The following C3orf33 variants were observed in gnomAD, a reference collection of about 807,000 sequenced individuals.
The protein encoded by C3orf33 is mitochondrial inner membrane subdomain organizer 1, also known as AP-1 activity suppressor.
Under a neutral mutation model 28.7 loss-of-function variants are expected in C3orf33, and 23 were observed. The ratio of observed to expected loss-of-function variants is 0.80; its 90% confidence interval spans 0.58 to 1.13. The LOEUF (loss-of-function observed/expected upper bound fraction) is 1.13. Ranked by LOEUF, C3orf33 falls within the 50% of genes most tolerant of loss-of-function variation. C3orf33 has a pLI of 0.00. For missense variants in C3orf33, 327 were observed against 353.4 expected, an observed-to-expected ratio of 0.93 and a Z score of 0.60; for synonymous variants, 119 against 120.5, an observed-to-expected ratio of 0.99 and a Z score of 0.08.
chr3:155,762,827 C>T lies in C3orf33; in HGVS notation c.*690G>A, dbSNP rs1750275501. 1 of 152,042 alleles carries T rather than the reference C, an allele frequency of 6.6e-6. No individual in the cohort carries two copies. Among genetic ancestry groups the T allele is most frequent in the Non-Finnish European group, 1.5e-5 (1 of 68,012 alleles). 9.4% of individuals were successfully genotyped at this position (152,042 alleles called of 1,614,324 possible). ...GAGGTTGCAGTGAACCAAGATAACG[C>T]CACTGCACTCCTGCCTGGGTGACAA... On this transcript the variant is annotated 3_prime_UTR_variant, in exon 5 of 5. Coordinates refer to ENST00000340171, the MANE Select transcript of C3orf33 (RefSeq NM_001308229.2).
At chr3:155,769,792 CAA>C (rs1455238268) in intron 3 of C3orf33, among the ~76,000 whole-genome samples, 1 of 152,126 alleles carries the variant, frequency 6.6e-6, no homozygotes, top group Non-Finnish European at 1.5e-5. Flanking sequence ...ACCTTCAAAC[CAA>C]AGACAGTTTA....
At chr3:155,778,141 C>CAAAA (rs55700532) in intron 2 of C3orf33, among the ~76,000 whole-genome samples, 9,217 of 75,516 alleles carry the variant, frequency 0.12, 1,686 homozygotes, top group Middle Eastern at 0.2. Flanking sequence ...AACTCCATTT[C>CAAAA]AAAAAAAAAA....
chr3:155,794,438 T>C (rs1367598016), intron 2 of C3orf33, among the ~76,000 whole-genome samples: 1 of 151,712 alleles, frequency 6.6e-6, no homozygotes, highest in Non-Finnish European at 1.5e-5. Context: ...AAAATCATCT[T>C]TAGTAAGAGG....
intron 2 of C3orf33, among the ~76,000 whole-genome samples, chr3:155,790,881 G>A (rs1751294400): frequency 6.6e-6 from 1 of 152,142 alleles, no homozygotes; most frequent in Non-Finnish European, 1.5e-5. Context: ...AACTTGAAAG[G>A]CAGTCTAGAC....
rs1750302174 is a variant in C3orf33 at position 155,763,598 on chromosome 3, C to G, written c.804G>C (p.Trp268Cys). 3.2e-6 allele frequency: 5 copies of G among 1,586,560 alleles called. No homozygotes were observed. The East Asian group carries it at 1.1e-4, about 36-fold the overall frequency. ...YEKLKRTYEI[W>C]KDNMNNCSLI... ...AGGAGCAGTTGTTCATGTTGTCTTT[C>G]CATATTTCATAAGTCCTTTTAAGTT... The change falls in exon 5 of 5, where the codon TGG becomes TGC. Residue 268 changes from tryptophan (W) to cysteine (C), a missense_variant. Trp to Cys is a radical substitution (Grantham distance 215). Coordinates refer to ENST00000340171, the MANE Select transcript of C3orf33 (RefSeq NM_001308229.2).
chr3:155,803,704 A>T (rs1751722867), intron 1 of C3orf33, among the ~76,000 whole-genome samples: 1 of 151,424 alleles, frequency 6.6e-6, no homozygotes, highest in Non-Finnish European at 1.5e-5. Context: ...AACATGGTGA[A>T]ACCTCGTCTC....
chr3:155,762,775 A>T lies in C3orf33; in HGVS notation c.*742T>A, dbSNP rs922208055. ...TCCCAGGTACTTGGGAGGCTCAGGC[A>T]GGAGAATCACTTGAATCCAGGAGGC... is the stretch of plus-strand genomic sequence containing the variant. On this transcript the variant is annotated 3_prime_UTR_variant, in exon 5 of 5. Transcript: ENST00000340171. The T allele has an allele frequency of 6.6e-6, 1 of 152,226 alleles. No homozygotes were observed. Among genetic ancestry groups the T allele is most frequent in the African/African-American group, 2.4e-5 (1 of 41,454 alleles). The allele number at this position is 152,226 out of a possible 1,614,324, so 9.4% of individuals were successfully genotyped here.
At chr3:155,787,538 G>A (rs148512052) in intron 2 of C3orf33, among the ~76,000 whole-genome samples, 4,659 of 151,750 alleles carry the variant, frequency 0.031, 82 homozygotes, top group Middle Eastern at 0.11. Context: ...TTTTAGTAGA[G>A]ACGGGGTTTC....
intron 2 of C3orf33, among the ~76,000 whole-genome samples, 197 bp from the exon 3 acceptor site, chr3:155,776,045 C>T (rs1032766202): frequency 6.6e-6 from 1 of 152,112 alleles, no homozygotes; most frequent in Non-Finnish European, 1.5e-5. Flanking sequence ...CATTATTCAC[C>T]ATTTTCAAGC....
chr3:155,767,119 G>A (rs761929889), intron 4 of C3orf33, among the ~76,000 whole-genome samples: 36 of 151,918 alleles, frequency 2.4e-4, no homozygotes, highest in African/African-American at 1.2e-4. Flanking sequence ...TGGGTGTGGC[G>A]GCGCCCATGT....
At position 155,763,911 on chromosome 3, in the gene C3orf33, T is replaced by C; in HGVS notation, c.491A>G (p.Tyr164Cys). ...FCYLLVSKGGYFSVNLNEEIL... is the reference protein window; with the variant it reads ...FCYLLVSKGGCFSVNLNEEIL... ...TTCTTCATTCAGATTCACGCTGAAA[T>C]ATCCACCCTTGAATTTAAAAATAAT... is the stretch of plus-strand genomic sequence containing the variant. The change falls in exon 5 of 5, where the codon TAT (tyrosine) becomes TGT (cysteine). Residue 164 changes from tyrosine to cysteine, a missense_variant. Physicochemically the swap from Tyr to Cys is radical, Grantham distance 194. Coordinates refer to ENST00000340171, the MANE Select transcript of C3orf33 (RefSeq NM_001308229.2). 6.9e-7 allele frequency: 1 copy of C among 1,440,304 alleles called. No homozygotes were observed. The highest frequency in any genetic ancestry group is 1.6e-5 in the South Asian group (1 of 60,890). The allele number at this position is 1,440,304 out of a possible 1,614,324, so 89.2% of individuals were successfully genotyped here. A position where few individuals can be genotyped will look rare whatever the true frequency, so the allele number is the denominator to read the frequency against.
chr3:155,763,455 A>G lies in C3orf33; in HGVS notation c.*62T>C. ...AACTTCCATTTTGATTCAATGAAAA[A>G]CGTCCATATATTTACATATTTCACT... is the stretch of plus-strand genomic sequence containing the variant. On this transcript the variant is annotated 3_prime_UTR_variant, in exon 5 of 5. Transcript: ENST00000340171. The G allele has an allele frequency of 8.0e-7, 1 of 1,245,242 alleles. No individual in the cohort carries two copies. The highest frequency in any genetic ancestry group is 1.0e-6 in the Non-Finnish European group (1 of 954,778). The allele number at this position is 1,245,242 out of a possible 1,614,324, so 77.1% of individuals were successfully genotyped here.
chr3:155,784,154 T>G (rs941206953), intron 2 of C3orf33, among the ~76,000 whole-genome samples: 2 of 152,018 alleles, frequency 1.3e-5, no homozygotes, highest in Non-Finnish European at 2.9e-5. Context: ...GGTCAAGAAC[T>G]CCCAACCTCA....
chr3:155,778,839 T>C (rs1375530534), intron 2 of C3orf33, among the ~76,000 whole-genome samples: 1 of 152,218 alleles, frequency 6.6e-6, no homozygotes, highest in Admixed American at 6.5e-5. Flanking sequence ...TCTATGGAAC[T>C]CTGACCTCCA....
Position 155,767,675 on chromosome 3 carries a change from AAGGTT to A in C3orf33, c.323-11_323-7del, listed in dbSNP as rs1750455039. 1 of 1,512,094 alleles carries A rather than the reference AAGGTT, an allele frequency of 6.6e-7. No homozygotes were observed. Among genetic ancestry groups the A allele is most frequent in the African/African-American group, 1.4e-5 (1 of 72,548 alleles). 93.7% of individuals were successfully genotyped at this position (1,512,094 alleles called of 1,614,324 possible). ...CAAAGCACCACGTGGCTCTTCTAAA[AAGGTT>A]AGGTAGAAAAGAGTTTAGCTTTAAC... On this transcript the variant is annotated splice_region_variant and splice_polypyrimidine_tract_variant and intron_variant, in intron 3 of 4. Coordinates refer to ENST00000340171, the MANE Select transcript of C3orf33 (RefSeq NM_001308229.2).
chr3:155,763,988 C>G, intron 4 of C3orf33, 70 bp from the exon 5 acceptor site: 1 of 1,129,404 alleles, frequency 8.9e-7, no homozygotes, highest in Admixed American at 4.1e-5. Context: ...ATCTTATTTA[C>G]CTTAAAAATC....
At position 155,797,928 on chromosome 3, in the gene C3orf33, G is replaced by A. The variant is rs368584653; in HGVS notation, c.174+4604C>T. 2.7e-3 allele frequency among the ~76,000 whole-genome samples: 407 copies of A among 152,058 alleles called. 2 individuals are homozygous for A. Among genetic ancestry groups the A allele is most frequent in the African/African-American group, 9.4e-3 (390 of 41,470 alleles). ...TCTACTAAAAATACAAAAATTAGCC[G>A]GGCATGGTGGCACATGCCTGTAATC... On this transcript the variant is annotated intron_variant, in intron 2 of 4. Transcript: ENST00000340171.
intron 2 of C3orf33, among the ~76,000 whole-genome samples, chr3:155,790,630 G>C (rs1366852989): frequency 6.6e-6 from 1 of 152,280 alleles, no homozygotes; most frequent in East Asian, 1.9e-4. Context: ...GCAGCTGCGT[G>C]GCATGGAGGG....
intron 3 of C3orf33, among the ~76,000 whole-genome samples, chr3:155,770,187 T>G (rs1276064113): frequency 2.6e-5 from 4 of 152,146 alleles, no homozygotes; most frequent in African/African-American, 9.7e-5. Flanking sequence ...TTTGCCTTGC[T>G]CACCCACCAG....
Sources: allele counts gnomAD v4.1 joint callset (sites outside exome capture counted in the v4.1 genomes callset), GRCh38; gene constraint gnomAD v4.1.1; transcripts MANE v1.5; gene names NCBI Gene and HGNC (gene_info 2026-07-23, HGNC 2026-07-21).